Variants in COL9A2 observed in about 807,000 individuals in gnomAD.
COL9A2 encodes the protein collagen type IX alpha 2 chain.
A neutral mutation model predicts 111.6 loss-of-function variants in COL9A2; 66 were observed. That is an observed-to-expected ratio of 0.59 (90% CI 0.48 to 0.73). The LOEUF (loss-of-function observed/expected upper bound fraction) is 0.73. COL9A2 is among the 30% of genes least tolerant of loss of function. The pLI, the probability that COL9A2 is intolerant of heterozygous loss-of-function variation, is 0.00. For synonymous variants in COL9A2, 353 were observed against 364.1 expected, an observed-to-expected ratio of 0.97 and a Z score of 0.35; for missense variants, 881 against 954.1, an observed-to-expected ratio of 0.92 and a Z score of 1.01.
chr1:40,313,321 A>G (rs1333965527), intron 4 of COL9A2, among the ~76,000 whole-genome samples: 1 of 152,084 alleles, frequency 6.6e-6, no homozygotes, highest in Non-Finnish European at 1.5e-5. Flanking sequence ...GGCATGCGCC[A>G]CCACGCTTGG....
chr1:40,306,636 G>A (rs192817106), intron 19 of COL9A2, among the ~76,000 whole-genome samples: 146 of 152,250 alleles, frequency 9.6e-4, no homozygotes, highest in African/African-American at 3.3e-3. Flanking sequence ...GACCAGCAAA[G>A]GCCTAAAGGT....
chr1:40,314,521 C>G lies in COL9A2; in HGVS notation c.151-134G>C. On this transcript the variant is annotated intron_variant, in intron 2 of 31. Coordinates refer to ENST00000372748, the MANE Select transcript of COL9A2 (RefSeq NM_001852.4). The surrounding 1 kb of genome is among the most constrained non-coding windows in gnomAD (Gnocchi z 4.1). ...TTCTGTCCAGGTCCCCTAAGCCTTG[C>G]AATCTTTGGGAAAAGAGCCCCCTTT... is the stretch of plus-strand genomic sequence containing the variant. The G allele has an allele frequency of 9.2e-7, 1 of 1,092,766 alleles. No individual in the cohort carries two copies. Among genetic ancestry groups the G allele is most frequent in the Non-Finnish European group, 1.4e-6 (1 of 719,998 alleles). The allele number at this position is 1,092,766 out of a possible 1,614,324, so 67.7% of individuals were successfully genotyped here.
At position 40,303,294 on chromosome 1, in the gene COL9A2, CA is replaced by C. The variant is rs1643945263; in HGVS notation, c.1549-110del. The C allele has an allele frequency of 1.6e-6, 2 of 1,225,860 alleles. No homozygotes were observed. The highest frequency in any genetic ancestry group is 2.6e-5 in the South Asian group (2 of 75,820). The allele number at this position is 1,225,860 out of a possible 1,614,324, so 75.9% of individuals were successfully genotyped here. On this transcript the variant is annotated intron_variant, in intron 28 of 31. Coordinates refer to ENST00000372748, the MANE Select transcript of COL9A2 (RefSeq NM_001852.4). This position sits in a 1 kb window ranked among gnomAD's most constrained non-coding sequence, Gnocchi z 4.6. ...CATGGAGGAGACTCTGGTGTTGAGT[CA>C]TTAATTCCCAAGCTGAGGAACAGAT...
chr1:40,312,260 T>C lies in COL9A2; in HGVS notation c.364-148A>G. The C allele has an allele frequency of 1.9e-6, 2 of 1,032,098 alleles. No individual in the cohort carries two copies. Among genetic ancestry groups the C allele is most frequent in the Non-Finnish European group, 2.9e-6 (2 of 685,450 alleles). 63.9% of individuals were successfully genotyped at this position (1,032,098 alleles called of 1,614,324 possible). A position where few individuals can be genotyped will look rare whatever the true frequency, so the allele number is the denominator to read the frequency against. ...CCAGAGAGACTGACAGACTGAGGCT[T>C]TAAGGACCAGAGAATTGCAGAGCCA... On this transcript the variant is annotated intron_variant, in intron 7 of 31. Transcript: ENST00000372748. This position sits in a 1 kb window ranked among gnomAD's most constrained non-coding sequence, Gnocchi z 6.0.
Position 40,304,084 on chromosome 1 carries a change from T to C in COL9A2, c.1303A>G (p.Thr435Ala). The C allele has an allele frequency of 6.4e-7, 1 of 1,571,014 alleles. No homozygotes were observed. Among genetic ancestry groups the C allele is most frequent in the Non-Finnish European group, 8.6e-7 (1 of 1,159,464 alleles). Residue 435 changes from threonine to alanine, a missense_variant, in exon 25 of 32, where the codon ACC becomes GCC. Physicochemically the swap from Thr to Ala is moderately conservative, Grantham distance 58. Coordinates refer to ENST00000372748, the MANE Select transcript of COL9A2 (RefSeq NM_001852.4). The part of the protein sequence containing the change: ...VKGDKGSPGK[T>A]GPRGKVGDPG... Reference sequence around the variant, plus strand: ...CTCACCACTTTGCCGCGGGGCCCGGTCTTCCCTGGGGAGCCCTGGAGAAAG... The same window carrying C: ...CTCACCACTTTGCCGCGGGGCCCGGCCTTCCCTGGGGAGCCCTGGAGAAAG...
At chr1:40,308,662 G>C (rs540036759) in intron 16 of COL9A2, among the ~76,000 whole-genome samples, 1 of 152,242 alleles carries the variant, frequency 6.6e-6, no homozygotes, top group Non-Finnish European at 1.5e-5. Flanking sequence ...GATGATGTTA[G>C]GGAGTACTTG....
chr1:40,314,137 C>A lies in COL9A2; in HGVS notation c.249+68G>T. On this transcript the variant is annotated intron_variant, in intron 4 of 31. Transcript: ENST00000372748. This position sits in a 1 kb window ranked among gnomAD's most constrained non-coding sequence, Gnocchi z 4.1. ...ATCTCTGAACAGATCAGTGAAGATG[C>A]CAGAGCCAGGCCCTGGAGGTCAATT... is the stretch of plus-strand genomic sequence containing the variant. 1 of 1,531,176 alleles carries A rather than the reference C, an allele frequency of 6.5e-7. No individual in the cohort carries two copies. The allele number at this position is 1,531,176 out of a possible 1,614,324, so 94.8% of individuals were successfully genotyped here.
chr1:40,308,073 G>A (rs781361675), intron 17 of COL9A2, 119 bp downstream of exon 17: 15 of 1,008,778 alleles, frequency 1.5e-5, no homozygotes, highest in Non-Finnish European at 1.9e-5. Context: ...CTGAGGTTAT[G>A]GAGCCAGCCC....
In COL9A2 at chr1:40,307,479, T is replaced by TCCCGC; in HGVS notation, c.970_974dup (p.Gln326ArgfsTer12). ...CCTGGTGGCCTGGACTTCCGGGCTG[T>TCCCGC]CCCGCCTGTCCTGCACTGCCCTGGG... On this transcript the variant is annotated frameshift_variant, in exon 19 of 32. Coordinates refer to ENST00000372748, the MANE Select transcript of COL9A2 (RefSeq NM_001852.4). LOFTEE classifies it high-confidence loss of function. The surrounding 1 kb of genome is among the most constrained non-coding windows in gnomAD (Gnocchi z 4.8). 1 of 1,614,092 alleles carries TCCCGC rather than the reference T, an allele frequency of 6.2e-7. No homozygotes were observed. The highest frequency in any genetic ancestry group is 8.5e-7 in the Non-Finnish European group (1 of 1,179,998).
At chr1:40,304,206 C>G in intron 24 of COL9A2, 107 bp from the exon 25 acceptor site, 1 of 1,523,576 alleles carries the variant, frequency 6.6e-7, no homozygotes, top group Non-Finnish European at 8.8e-7. Flanking sequence ...GCCGACCAGA[C>G]CAGAACCCTG....
At chr1:40,315,414 T>TTTGA (rs1644202582) in intron 2 of COL9A2, 176 bp downstream of exon 2, 6 of 1,424,112 alleles carry the variant, frequency 4.2e-6, no homozygotes, top group Non-Finnish European at 4.6e-6. Flanking sequence ...TCAGGGCTGG[T>TTTGA]TTGAGGTTTT....
chr1:40,312,304 G>A lies in COL9A2; in HGVS notation c.363+152C>T. The A allele has an allele frequency of 8.6e-7, 1 of 1,162,316 alleles. No individual in the cohort carries two copies. 72.0% of individuals were successfully genotyped at this position (1,162,316 alleles called of 1,614,324 possible). Reference sequence around the variant, plus strand: ...AGAGCCAGTGGACAGGCCCAGAGTGGGCTGGCCCTGGGTCTCTGGCAGGTC... The same window carrying A: ...AGAGCCAGTGGACAGGCCCAGAGTGAGCTGGCCCTGGGTCTCTGGCAGGTC... On this transcript the variant is annotated intron_variant, in intron 7 of 31. Coordinates refer to ENST00000372748, the MANE Select transcript of COL9A2 (RefSeq NM_001852.4). This position sits in a 1 kb window ranked among gnomAD's most constrained non-coding sequence, Gnocchi z 6.0.
intron 30 of COL9A2, 24 bp from the exon 31 acceptor site, chr1:40,301,913 C>A: frequency 6.2e-7 from 1 of 1,604,126 alleles, no homozygotes; most frequent in Non-Finnish European, 8.5e-7. Context: ...AGGAAATCTT[C>A]ATTTTTCAGA....
chr1:40,303,951 G>A lies in COL9A2; in HGVS notation c.1345C>T (p.Leu449Phe), dbSNP rs758422442. 19 of 1,561,154 alleles carry A rather than the reference G, an allele frequency of 1.2e-5. No individual in the cohort carries two copies. The highest frequency in any genetic ancestry group is 1.5e-5 in the Non-Finnish European group (17 of 1,152,238). The part of the protein sequence containing the change: ...GKVGDPGVAG[L>F]PGEKGEKGES... ...ACCTTCTCGCCTTTCTCTCCGGGGA[G>A]GCCGGCCACCCCTGGGTCACCCTGC... The change falls in exon 26 of 32, where the codon CTC (leucine) becomes TTC (phenylalanine). Residue 449 changes from leucine (L) to phenylalanine (F), a missense_variant. Leu to Phe is a conservative substitution (Grantham distance 22). Coordinates refer to ENST00000372748, the MANE Select transcript of COL9A2 (RefSeq NM_001852.4). The surrounding 1 kb of genome is among the most constrained non-coding windows in gnomAD (Gnocchi z 4.6).
At chr1:40,305,883 A>G (rs905415300) in intron 20 of COL9A2, 115 bp from the exon 21 acceptor site, 1 of 958,224 alleles carries the variant, frequency 1.0e-6, no homozygotes, top group African/African-American at 1.6e-5. Flanking sequence ...GACGGGGGAG[A>G]GGGTATTCTT....
chr1:40,315,618 G>T lies in COL9A2; in HGVS notation c.122C>A (p.Pro41Gln). ...ERGPPGPPGP[P>Q]GVPGSDGIDG... ...GATGCCGTCGGATCCAGGCACTCCC[G>T]GCGGTCCCGGGGGACCCGGGGGGCC... The change falls in exon 2 of 32, where the codon CCG (proline) becomes CAG (glutamine). Residue 41 changes from proline to glutamine, a missense_variant. Physicochemically the swap from Pro to Gln is moderately conservative, Grantham distance 76. Transcript: ENST00000372748. 1 of 1,552,868 alleles carries T rather than the reference G, an allele frequency of 6.4e-7. No individual in the cohort carries two copies.
At position 40,314,091 on chromosome 1, in the gene COL9A2, A is replaced by G; in HGVS notation, c.249+114T>C. 1.7e-6 allele frequency: 2 copies of G among 1,157,406 alleles called. No individual in the cohort carries two copies. The highest frequency in any genetic ancestry group is 2.6e-6 in the Non-Finnish European group (2 of 766,092). 71.7% of individuals were successfully genotyped at this position (1,157,406 alleles called of 1,614,324 possible). On this transcript the variant is annotated intron_variant, in intron 4 of 31. Coordinates refer to ENST00000372748, the MANE Select transcript of COL9A2 (RefSeq NM_001852.4). This position sits in a 1 kb window ranked among gnomAD's most constrained non-coding sequence, Gnocchi z 4.1. ...CAAGGTGAGGGGGGCTCACAGCTGG[A>G]GAATCTCCATCCTGCTGCCCATCTC...
chr1:40,316,725 G>C lies in COL9A2; in HGVS notation c.75+398C>G. ...CGGGCAGGGCCGAGAGGCCGCCTCG[G>C]GGCGACAGCGGCGTCTGGTTGGAGC... On this transcript the variant is annotated intron_variant, in intron 1 of 31. Coordinates refer to ENST00000372748, the MANE Select transcript of COL9A2 (RefSeq NM_001852.4). This position sits in a 1 kb window ranked among gnomAD's most constrained non-coding sequence, Gnocchi z 5.5. The C allele has an allele frequency of 2.7e-6, 1 of 368,634 alleles. No homozygotes were observed. The highest frequency in any genetic ancestry group is 5.1e-6 in the Non-Finnish European group (1 of 196,428). 22.8% of individuals were successfully genotyped at this position (368,634 alleles called of 1,614,324 possible). A position where few individuals can be genotyped will look rare whatever the true frequency, so the allele number is the denominator to read the frequency against.
Position 40,311,066 on chromosome 1 carries a change from C to T in COL9A2, c.630+27G>A. ...TAGGACCATCTCCACGTATCCCTGA[C>T]CCACAGCCCTCAGCCCTTGCACTCA... On this transcript the variant is annotated intron_variant, in intron 12 of 31. Transcript: ENST00000372748. This position sits in a 1 kb window ranked among gnomAD's most constrained non-coding sequence, Gnocchi z 5.1. 1 of 1,613,636 alleles carries T rather than the reference C, an allele frequency of 6.2e-7. No homozygotes were observed. The highest frequency in any genetic ancestry group is 1.7e-4 in the Middle Eastern group (1 of 5,740).
Sources: allele counts gnomAD v4.1 joint callset (sites outside exome capture counted in the v4.1 genomes callset), GRCh38; gene constraint gnomAD v4.1.1; non-coding constraint Gnocchi (gnomAD v3.1); transcripts MANE v1.5; gene names NCBI Gene and HGNC (gene_info 2026-07-23, HGNC 2026-07-21).